The following SYCP1 variants were observed in gnomAD, a reference collection of about 807,000 sequenced individuals.
SYCP1 encodes synaptonemal complex protein 1, also known as cancer/testis antigen 8.
In SYCP1, 64 loss-of-function variants were observed where a neutral mutation model predicts 153.1. The ratio of observed to expected loss-of-function variants is 0.42; its 90% confidence interval spans 0.34 to 0.51. SYCP1 has a LOEUF of 0.51. Ranked by LOEUF, SYCP1 falls within the 20% of genes least tolerant of loss-of-function variation. The pLI is 0.06. For synonymous variants in SYCP1, 384 were observed against 341.8 expected (o/e 1.12, Z -1.36); for missense variants, 997 against 1,049.0 (o/e 0.95, Z 0.68).
Position 114,984,733 on chromosome 1 carries a change from A to G in SYCP1, c.2568A>G (p.Thr856=), listed in dbSNP as rs1055294235. The change falls in exon 30 of 32, where the codon ACA becomes ACG. Residue 856 remains threonine, a synonymous_variant. Coordinates refer to ENST00000369522, the MANE Select transcript of SYCP1 (RefSeq NM_003176.4). ...TTTTTATTTTTGGATAGGCATATACAGTGAAGACACCAACAAAACCAAAAC... is the reference window on the plus strand; with the variant it reads ...TTTTTATTTTTGGATAGGCATATACGGTGAAGACACCAACAAAACCAAAAC... ...TLSTPLPKAY[T]VKTPTKPKLQ... 6.8e-6 allele frequency: 10 copies of G among 1,471,366 alleles called. No individual in the cohort carries two copies. The highest frequency in any genetic ancestry group is 1.8e-4 in the Middle Eastern group (1 of 5,478). 91.1% of individuals were successfully genotyped at this position (1,471,366 alleles called of 1,614,324 possible).
Position 114,926,482 on chromosome 1 carries a change from T to C in SYCP1, c.1864-19T>C. On this transcript the variant is annotated intron_variant, in intron 22 of 31. Coordinates refer to ENST00000369522, the MANE Select transcript of SYCP1 (RefSeq NM_003176.4). ...TGAATAACTTTAGTACTAAATATAATTATTTTTAATTTTAACAGAATAAGG... is the reference window on the plus strand; with the variant it reads ...TGAATAACTTTAGTACTAAATATAACTATTTTTAATTTTAACAGAATAAGG... The C allele has an allele frequency of 1.3e-6, 2 of 1,540,254 alleles. No individual in the cohort carries two copies. Among genetic ancestry groups the C allele is most frequent in the South Asian group, 2.5e-5 (2 of 79,098 alleles).
At chr1:114,951,510 G>A (rs1210131205) in intron 27 of SYCP1, among the ~76,000 whole-genome samples, 2 of 152,122 alleles carry the variant, frequency 1.3e-5, no homozygotes, top group Non-Finnish European at 2.9e-5. Flanking sequence ...GAGATTCTAG[G>A]GTGAAGAAAA....
chr1:114,989,662 G>A (rs755893895), intron 30 of SYCP1, among the ~76,000 whole-genome samples: 37 of 151,654 alleles, frequency 2.4e-4, no homozygotes, highest in Non-Finnish European at 4.4e-4. Context: ...GTGAAAGAAT[G>A]GAAAAAGATA....
chr1:114,902,674 T>G (rs952514152), intron 16 of SYCP1, among the ~76,000 whole-genome samples: 6 of 150,586 alleles, frequency 4.0e-5, no homozygotes, highest in African/African-American at 1.0e-4. Flanking sequence ...TCATTATATA[T>G]GAACAACATC....
intron 9 of SYCP1, among the ~76,000 whole-genome samples, chr1:114,875,562 A>T (rs1665467952): frequency 6.6e-6 from 1 of 152,108 alleles, no homozygotes; most frequent in South Asian, 2.1e-4. Flanking sequence ...CCCGGCCGAG[A>T]CTTTGTCTTC....
intron 2 of SYCP1, among the ~76,000 whole-genome samples, chr1:114,855,922 A>G (rs1332488537): frequency 6.6e-6 from 1 of 152,210 alleles, no homozygotes; most frequent in Non-Finnish European, 1.5e-5. Flanking sequence ...AATGAGGACT[A>G]TTTGGACAAA....
intron 27 of SYCP1, among the ~76,000 whole-genome samples, chr1:114,972,388 T>C (rs1277099360): frequency 1.3e-5 from 2 of 152,124 alleles, no homozygotes; most frequent in Non-Finnish European, 2.9e-5. Flanking sequence ...CGTTGATCTT[T>C]TGTATCATTT....
chr1:114,967,645 T>C (rs979222629), intron 27 of SYCP1, among the ~76,000 whole-genome samples: 5 of 152,230 alleles, frequency 3.3e-5, no homozygotes, highest in African/African-American at 1.2e-4. Context: ...ACTGTGCCAG[T>C]CTGTGTCTTT....
chr1:114,876,028 TA>T (rs1557762696), intron 9 of SYCP1, 40 bp from the exon 10 acceptor site: 11 of 1,372,052 alleles, frequency 8.0e-6, no homozygotes, highest in Non-Finnish European at 9.9e-6. Flanking sequence ...GAAAGCTATT[TA>T]AAAAAATTTA....
intron 21 of SYCP1, chr1:114,923,776 T>G (rs920214931): frequency 4.2e-6 from 1 of 238,844 alleles, no homozygotes; most frequent in African/African-American, 2.3e-5. Flanking sequence ...TAATGTAGAC[T>G]TAACATTTTT....
intron 23 of SYCP1, among the ~76,000 whole-genome samples, chr1:114,940,050 G>GT (rs929996012): frequency 6.6e-6 from 1 of 151,842 alleles, no homozygotes; most frequent in Non-Finnish European, 1.5e-5. Context: ...TCCTTCTTTT[G>GT]TTTTTTTCTT....
Position 114,981,413 on chromosome 1 carries a change from A to G in SYCP1, c.2460A>G (p.Val820=). The G allele has an allele frequency of 3.1e-6, 5 of 1,609,710 alleles. No individual in the cohort carries two copies. Among genetic ancestry groups the G allele is most frequent in the African/African-American group, 1.3e-5 (1 of 74,804 alleles). Residue 820 remains valine, a synonymous_variant, in exon 29 of 32, where the codon GTA becomes GTG. Coordinates refer to ENST00000369522, the MANE Select transcript of SYCP1 (RefSeq NM_003176.4). ...LDSKAVPSQT[V]SRNFTSVDHG... is the part of the protein sequence containing the mutation. ...CTAAAGCAGTTCCTTCACAAACTGTATCTCGAAATTTCACATCAGTTGATC... is the reference window on the plus strand; with the variant it reads ...CTAAAGCAGTTCCTTCACAAACTGTGTCTCGAAATTTCACATCAGTTGATC...
intron 30 of SYCP1, among the ~76,000 whole-genome samples, chr1:114,987,563 G>A (rs1424509304): frequency 6.6e-6 from 1 of 151,972 alleles, no homozygotes; most frequent in African/African-American, 2.4e-5. Flanking sequence ...TACTCAGGAG[G>A]CTGAGGTAGA....
chr1:114,947,584 C>T (rs192547466), intron 27 of SYCP1, among the ~76,000 whole-genome samples: 122 of 151,528 alleles, frequency 8.1e-4, no homozygotes, highest in South Asian at 2.7e-3. Context: ...GAGGCCGAGG[C>T]GGGCGGATCA....
At chr1:114,866,081 C>T (rs1299316300) in intron 8 of SYCP1, among the ~76,000 whole-genome samples, 1 of 152,156 alleles carries the variant, frequency 6.6e-6, no homozygotes, top group African/African-American at 2.4e-5. Flanking sequence ...TATCCATTCA[C>T]TTACTAAAGG....
Position 114,876,099 on chromosome 1 carries a change from G to A in SYCP1, c.688G>A (p.Val230Met). 1 of 1,584,532 alleles carries A rather than the reference G, an allele frequency of 6.3e-7. No individual in the cohort carries two copies. The highest frequency in any genetic ancestry group is 8.6e-7 in the Non-Finnish European group (1 of 1,163,828). Residue 230 changes from valine (V) to methionine (M), a missense_variant, in exon 10 of 32, where the codon GTG (valine) becomes ATG (methionine). Physicochemically the swap from Val to Met is conservative, Grantham distance 21. This residue lies in a region of SYCP1 where 285 missense variants were observed against 366.1 expected (regional missense o/e 0.78). Transcript: ENST00000369522. ...KMITAFEELR[V>M]QAENSRLEMH... ...GATAACAGCTTTTGAGGAACTTCGT[G>A]TGCAAGCTGAGAATTCCAGACTGGA...
intron 12 of SYCP1, among the ~76,000 whole-genome samples, chr1:114,880,265 ACT>A (rs1184181568): frequency 6.6e-6 from 1 of 151,876 alleles, no homozygotes; most frequent in Non-Finnish European, 1.5e-5. Flanking sequence ...CAAAATGGAA[ACT>A]CTGTACCCAT....
At chr1:114,880,553 C>A (rs1665851651) in intron 12 of SYCP1, among the ~76,000 whole-genome samples, 1 of 152,156 alleles carries the variant, frequency 6.6e-6, no homozygotes, top group Non-Finnish European at 1.5e-5. Flanking sequence ...TGAAAGGAAA[C>A]TGGCCAAGTA....
At chr1:114,926,184 A>T in intron 21 of SYCP1, 94 bp from the exon 22 acceptor site, 1 of 958,444 alleles carries the variant, frequency 1.0e-6, no homozygotes, top group Non-Finnish European at 1.4e-6. Flanking sequence ...AGTGACCTTT[A>T]TCAGTACTTT....
Sources: gnomAD v4.1 joint callset for allele counts (sites outside exome capture counted in the v4.1 genomes callset) on GRCh38, gnomAD v4.1.1 for gene constraint, gnomAD v4.1.1 regional missense constraint, MANE v1.5 for transcripts, NCBI Gene and HGNC (gene_info 2026-07-23, HGNC 2026-07-21) for gene names.